C22orf23: variants seen among roughly 807,000 people sequenced by gnomAD.
C22orf23 encodes the protein UPF0193 protein EVG1.
In C22orf23, 30 loss-of-function variants were observed where a neutral mutation model predicts 29.7. The observed-to-expected ratio is 1.01, with a 90% CI of 0.76 to 1.37. The LOEUF (loss-of-function observed/expected upper bound fraction) is 1.37. Ranked by LOEUF, C22orf23 falls within the 40% of genes most tolerant of loss-of-function variation. The pLI, the probability that C22orf23 is intolerant of heterozygous loss-of-function variation, is 0.00. For missense variants in C22orf23, 237 were observed against 273.1 expected, an observed-to-expected ratio of 0.87 and a Z score of 0.93; for synonymous variants, 90 against 96.1, an observed-to-expected ratio of 0.94 and a Z score of 0.37.
At position 37,944,240 on chromosome 22, in the gene C22orf23, G is replaced by T. The variant is rs771311730; in HGVS notation, c.589C>A (p.Arg197=). The change falls in exon 7 of 7, where the codon CGG becomes AGG. Residue 197 remains arginine (R), a synonymous_variant. Transcript: ENST00000403305. ...IILAEISQKL[R]EMEDIDHRRS... is the part of the protein sequence containing the mutation. Reference sequence around the variant, plus strand: ...CTGTGGTCAATGTCTTCCATTTCCCGGAGTTTCTGCAAAGGGCATCAGGGA... The same window carrying T: ...CTGTGGTCAATGTCTTCCATTTCCCTGAGTTTCTGCAAAGGGCATCAGGGA... 6.2e-7 allele frequency: 1 copy of T among 1,614,204 alleles called. No homozygotes were observed. The highest frequency in any genetic ancestry group is 8.5e-7 in the Non-Finnish European group (1 of 1,180,022).
rs756698757 is a variant in C22orf23, at chr22:37,951,466, T to C, written c.160A>G (p.Met54Val). The C allele has an allele frequency of 6.2e-7, 1 of 1,614,002 alleles. No individual in the cohort carries two copies. The highest frequency in any genetic ancestry group is 8.5e-7 in the Non-Finnish European group (1 of 1,179,908). ...TCTGTGGACTGCCCCTTACTTTTCATGATGTCCATGATGTGGCGCTGCTGG... is the reference window on the plus strand; with the variant it reads ...TCTGTGGACTGCCCCTTACTTTTCACGATGTCCATGATGTGGCGCTGCTGG... ...NIQQRHIMDI[M>V]KRGDALPLQC... Residue 54 changes from methionine (M) to valine (V), a missense_variant, in exon 3 of 7, where the codon ATG becomes GTG. Met to Val is a conservative substitution (Grantham distance 21). Transcript: ENST00000403305.
chr22:37,947,501 GCTTTTT>G, intron 3 of C22orf23, 38 bp from the exon 4 acceptor site: 1 of 974,110 alleles, frequency 1.0e-6, no homozygotes, highest in Non-Finnish European at 1.4e-6. Context: ...GACCCACATG[GCTTTTT>G]TTTTTTTTTT....
chr22:37,949,986 C>T (rs1316851846), intron 3 of C22orf23, among the ~76,000 whole-genome samples: 3 of 151,816 alleles, frequency 2.0e-5, no homozygotes, highest in Non-Finnish European at 2.9e-5. Context: ...TACAGGTACA[C>T]CCCAGTATGT....
intron 3 of C22orf23, among the ~76,000 whole-genome samples, chr22:37,949,847 G>A (rs1054500801): frequency 2.0e-5 from 3 of 152,068 alleles, no homozygotes; most frequent in Non-Finnish European, 1.5e-5. Flanking sequence ...GCGGTCAGAA[G>A]TATTAATTTT....
chr22:37,945,091 A>G lies in C22orf23; in HGVS notation c.432T>C (p.Pro144=). Residue 144 remains proline (P), a synonymous_variant, in exon 5 of 7, where the codon CCT becomes CCC. Coordinates refer to ENST00000403305, the MANE Select transcript of C22orf23 (RefSeq NM_032561.5). Reference sequence around the variant, plus strand: ...GGGCTGGAGCCTTCTGTCGTGCAGGAGGGGCCTTTCTTTTCCGTTCCTCCA... The same window carrying G: ...GGGCTGGAGCCTTCTGTCGTGCAGGGGGGGCCTTTCTTTTCCGTTCCTCCA... The part of the protein sequence containing the change: ...KDMEERKRKA[P]PARQKAPAPE... 2 of 1,613,652 alleles carry G rather than the reference A, an allele frequency of 1.2e-6. No homozygotes were observed. The highest frequency in any genetic ancestry group is 1.7e-6 in the Non-Finnish European group (2 of 1,179,854).
At chr22:37,946,943 G>C (rs2145696062) in intron 4 of C22orf23, among the ~76,000 whole-genome samples, 1 of 151,836 alleles carries the variant, frequency 6.6e-6, no homozygotes, top group Middle Eastern at 3.4e-3. Context: ...CAGGAACCTG[G>C]GGCCTCGGCG....
At chr22:37,953,024 G>T in intron 2 of C22orf23, 23 bp downstream of exon 2, 1 of 1,577,114 alleles carries the variant, frequency 6.3e-7, no homozygotes, top group Non-Finnish European at 8.7e-7. Flanking sequence ...AAAAGGCTGG[G>T]ATCGCTGCTT....
rs1348780518 is a variant in C22orf23 at position 37,943,353 on chromosome 22, C to G, written c.*822G>C. 6.6e-6 allele frequency: 1 copy of G among 152,142 alleles called. No homozygotes were observed. The highest frequency in any genetic ancestry group is 1.5e-5 in the Non-Finnish European group (1 of 68,054). 9.4% of individuals were successfully genotyped at this position (152,142 alleles called of 1,614,324 possible). A position where few individuals can be genotyped will look rare whatever the true frequency, so the allele number is the denominator to read the frequency against. On this transcript the variant is annotated 3_prime_UTR_variant, in exon 7 of 7. Coordinates refer to ENST00000403305, the MANE Select transcript of C22orf23 (RefSeq NM_032561.5). ...GCGGCACATGCAGGGATTGGAACTC[C>G]CAGGCCAGGGCTCTAGGTCGCTCCC...
chr22:37,953,165 A>C lies in C22orf23; in HGVS notation c.-9-7T>G. The C allele has an allele frequency of 6.3e-7, 1 of 1,587,996 alleles. No homozygotes were observed. Among genetic ancestry groups the C allele is most frequent in the Non-Finnish European group, 8.6e-7 (1 of 1,157,582 alleles). Reference sequence around the variant, plus strand: ...GTGAAGCCATGGGAGGACTCTGAGGAGGGAAAGACGCAATGACACACCCCC... The same window carrying C: ...GTGAAGCCATGGGAGGACTCTGAGGCGGGAAAGACGCAATGACACACCCCC... On this transcript the variant is annotated splice_polypyrimidine_tract_variant and splice_region_variant and intron_variant, in intron 1 of 6. Transcript: ENST00000403305.
intron 3 of C22orf23, among the ~76,000 whole-genome samples, chr22:37,949,603 C>T (rs1930899787): frequency 1.3e-5 from 2 of 151,134 alleles, no homozygotes; most frequent in Non-Finnish European, 2.9e-5. Flanking sequence ...GGACTACAGG[C>T]CCGGGTCACC....
At chr22:37,947,200 G>A in intron 4 of C22orf23, 81 bp downstream of exon 4, 1 of 1,454,680 alleles carries the variant, frequency 6.9e-7, no homozygotes. Flanking sequence ...CTTCCCACCT[G>A]CCCTGTGGGC....
In C22orf23 at chr22:37,945,190, A is replaced by C. The variant is rs765491983; in HGVS notation, c.350-17T>G. On this transcript the variant is annotated splice_polypyrimidine_tract_variant and intron_variant, in intron 4 of 6. Transcript: ENST00000403305. ...CCAAATCCCCTGTAGGGCCAAAAAGAAATGGCCTAGTTAGGCTGTAAAGGG... is the reference window on the plus strand; with the variant it reads ...CCAAATCCCCTGTAGGGCCAAAAAGCAATGGCCTAGTTAGGCTGTAAAGGG... 9 of 1,607,218 alleles carry C rather than the reference A, an allele frequency of 5.6e-6. No homozygotes were observed. Among genetic ancestry groups the C allele is most frequent in the Non-Finnish European group, 7.6e-6 (9 of 1,177,478 alleles).
intron 3 of C22orf23, among the ~76,000 whole-genome samples, chr22:37,947,939 G>A (rs554466620): frequency 6.6e-6 from 1 of 151,602 alleles, no homozygotes; most frequent in African/African-American, 2.4e-5. Context: ...AACCCTGTCT[G>A]TACTAAAAAT....
At chr22:37,944,920 A>AAATG in intron 5 of C22orf23, 122 bp downstream of exon 5, 1 of 976,022 alleles carries the variant, frequency 1.0e-6, no homozygotes, top group Non-Finnish European at 1.5e-6. Flanking sequence ...ATAAATAAAT[A>AAATG]AATAGTGTTT....
chr22:37,947,575 A>T, intron 3 of C22orf23, 112 bp from the exon 4 acceptor site: 1 of 878,182 alleles, frequency 1.1e-6, no homozygotes. Flanking sequence ...CAGCGGCGCG[A>T]TCTCGGCTTA....
rs1167582226 is a variant in C22orf23, at chr22:37,944,473, C to T, written c.526G>A (p.Glu176Lys). ...QERKEFLADM[E>K]ALGQGKQYRG... is the part of the protein sequence containing the mutation. Reference sequence around the variant, plus strand: ...TACTGTTTGCCCTGTCCCAGGGCCTCCATGTCAGCCAGGAATTCTTTCCTC... The same window carrying T: ...TACTGTTTGCCCTGTCCCAGGGCCTTCATGTCAGCCAGGAATTCTTTCCTC... Residue 176 changes from glutamate (E) to lysine (K), a missense_variant, in exon 6 of 7, where the codon GAG (glutamate) becomes AAG (lysine). By Grantham distance (56) the Glu-to-Lys change is moderately conservative. Coordinates refer to ENST00000403305, the MANE Select transcript of C22orf23 (RefSeq NM_032561.5). 3 of 1,614,030 alleles carry T rather than the reference C, an allele frequency of 1.9e-6. No individual in the cohort carries two copies. Among genetic ancestry groups the T allele is most frequent in the Non-Finnish European group, 2.5e-6 (3 of 1,180,044 alleles).
At position 37,943,847 on chromosome 22, in the gene C22orf23, C is replaced by T; in HGVS notation, c.*328G>A. The T allele has an allele frequency of 2.9e-6, 1 of 343,754 alleles. No individual in the cohort carries two copies. The highest frequency in any genetic ancestry group is 5.0e-5 in the East Asian group (1 of 20,004). 21.3% of individuals were successfully genotyped at this position (343,754 alleles called of 1,614,324 possible). A position where few individuals can be genotyped will look rare whatever the true frequency, so the allele number is the denominator to read the frequency against. Reference sequence around the variant, plus strand: ...CAGGAAGAAAGGAATCATATTCATTCCTGAATTCAGAAAACTAAATGAACA... The same window carrying T: ...CAGGAAGAAAGGAATCATATTCATTTCTGAATTCAGAAAACTAAATGAACA... On this transcript the variant is annotated 3_prime_UTR_variant, in exon 7 of 7. Coordinates refer to ENST00000403305, the MANE Select transcript of C22orf23 (RefSeq NM_032561.5).
At chr22:37,948,434 A>G (rs1293548450) in intron 3 of C22orf23, among the ~76,000 whole-genome samples, 1 of 151,636 alleles carries the variant, frequency 6.6e-6, no homozygotes, top group Non-Finnish European at 1.5e-5. Flanking sequence ...TGGGTGACTG[A>G]GCAAGACTGT....
intron 6 of C22orf23, 73 bp downstream of exon 6, chr22:37,944,344 G>GC: frequency 6.2e-7 from 1 of 1,613,312 alleles, no homozygotes; most frequent in Non-Finnish European, 8.5e-7. Context: ...CCCTGCCACA[G>GC]CAGACCCTGT....
Sources: allele counts gnomAD v4.1 joint callset (sites outside exome capture counted in the v4.1 genomes callset), GRCh38; gene constraint gnomAD v4.1.1; transcripts MANE v1.5; gene names NCBI Gene and HGNC (gene_info 2026-07-23, HGNC 2026-07-21).